The following SASS6 variants were observed in gnomAD, a reference collection of about 807,000 sequenced individuals.
SASS6 encodes spindle assembly abnormal protein 6 homolog.
SASS6 carries 59 observed loss-of-function variants against 94.9 expected under a neutral mutation model. The ratio of observed to expected loss-of-function variants is 0.62; its 90% confidence interval spans 0.50 to 0.77. SASS6 has a LOEUF of 0.77. SASS6 is among the 30% of genes least tolerant of loss of function. The pLI is 0.00. For synonymous variants in SASS6, 264 were observed against 270.0 expected (o/e 0.98, Z 0.22); for missense variants, 698 against 734.1 (o/e 0.95, Z 0.57).
At chr1:100,090,426 G>A (rs1043543534) in intron 14 of SASS6, among the ~76,000 whole-genome samples, 1 of 152,106 alleles carries the variant, frequency 6.6e-6, no homozygotes, top group African/African-American at 2.4e-5. Flanking sequence ...TTTCTGCTGA[G>A]ATATGAAAAA....
chr1:100,084,195 T>A lies in SASS6; in HGVS notation c.*1133A>T, dbSNP rs976771482. The A allele has an allele frequency of 6.6e-6, 1 of 151,828 alleles. No homozygotes were observed. Among genetic ancestry groups the A allele is most frequent in the East Asian group, 1.9e-4 (1 of 5,198 alleles). The allele number at this position is 151,828 out of a possible 1,614,324, so 9.4% of individuals were successfully genotyped here. On this transcript the variant is annotated 3_prime_UTR_variant, in exon 17 of 17. Transcript: ENST00000287482. ...TCTTTCTTACCATGGGACTCAGTAA[T>A]GTTATTACATCAATATCTTGAAATG...
rs761964493 is a variant in SASS6 at position 100,107,725 on chromosome 1, AT to A, written c.1057-9del. The A allele has an allele frequency of 1.3e-6, 2 of 1,581,260 alleles. No homozygotes were observed. Among genetic ancestry groups the A allele is most frequent in the African/African-American group, 1.4e-5 (1 of 73,652 alleles). ...ATTTTCTTCTAAAACCACCTGATAT[AT>A]TTTTTAAAAACATGAATAATTAGGG... is the stretch of plus-strand genomic sequence containing the variant. On this transcript the variant is annotated splice_polypyrimidine_tract_variant and intron_variant, in intron 9 of 16. Coordinates refer to ENST00000287482, the MANE Select transcript of SASS6 (RefSeq NM_194292.3).
intron 14 of SASS6, among the ~76,000 whole-genome samples, chr1:100,093,171 TTTC>T (rs1651863963): frequency 1.4e-5 from 2 of 145,736 alleles, no homozygotes; most frequent in African/African-American, 2.6e-5. Context: ...TACCTATTGT[TTTC>T]TTTTTTTTTT....
At chr1:100,090,229 TGC>T (rs1209759000) in intron 14 of SASS6, among the ~76,000 whole-genome samples, 2 of 152,136 alleles carry the variant, frequency 1.3e-5, no homozygotes, top group Non-Finnish European at 2.9e-5. Flanking sequence ...ACTTATTATA[TGC>T]ATTACATTTT....
intron 14 of SASS6, among the ~76,000 whole-genome samples, chr1:100,098,642 T>C (rs777879098): frequency 4.6e-5 from 7 of 151,974 alleles, no homozygotes; most frequent in Admixed American, 6.6e-5. Context: ...CAAAAATATT[T>C]GCTGGAGCAC....
chr1:100,122,507 A>C (rs1654270685), intron 3 of SASS6, 23 bp from the exon 4 acceptor site: 1 of 1,024,222 alleles, frequency 9.8e-7, no homozygotes, highest in South Asian at 1.5e-5. Flanking sequence ...AAGGAAAAGA[A>C]ATTTTTTAAA....
chr1:100,118,800 T>C (rs1653963746), intron 7 of SASS6, among the ~76,000 whole-genome samples: 2 of 152,174 alleles, frequency 1.3e-5, no homozygotes, highest in African/African-American at 2.4e-5. Context: ...AATTACATAT[T>C]ATTTACATAT....
At chr1:100,087,653 C>T (rs371436933) in intron 15 of SASS6, among the ~76,000 whole-genome samples, 1 of 152,094 alleles carries the variant, frequency 6.6e-6, no homozygotes, top group Non-Finnish European at 1.5e-5. Context: ...GGGAAAATCT[C>T]ACAAACCTTT....
rs1212167333 is a variant in SASS6, at chr1:100,107,422, T to C, written c.1278A>G (p.Gln426=). Residue 426 remains glutamine, a synonymous_variant, in exon 11 of 17, where the codon CAA becomes CAG. Coordinates refer to ENST00000287482, the MANE Select transcript of SASS6 (RefSeq NM_194292.3). ...AEKEEKLQKE[Q]KELQDVGQSL... is the part of the protein sequence containing the mutation. The stretch of plus-strand genomic sequence containing the variant: ...ACTGTCCAACATCTTGTAATTCCTT[T>C]TGTTCCTTTTGTAATTTTTCCTCCT... The C allele has an allele frequency of 1.2e-6, 2 of 1,609,686 alleles. No individual in the cohort carries two copies. The highest frequency in any genetic ancestry group is 1.7e-6 in the Non-Finnish European group (2 of 1,176,542).
intron 14 of SASS6, among the ~76,000 whole-genome samples, chr1:100,102,588 A>G (rs1307768250): frequency 1.3e-5 from 2 of 151,678 alleles, no homozygotes; most frequent in East Asian, 3.9e-4. Context: ...CTGAGGCACG[A>G]GAATCACTGA....
intron 6 of SASS6, among the ~76,000 whole-genome samples, chr1:100,119,932 CA>C (rs1009110440): frequency 2.0e-4 from 30 of 152,214 alleles, no homozygotes; most frequent in Non-Finnish European, 1.6e-4. Flanking sequence ...CAAGCTAAAA[CA>C]GATACTCTGG....
At chr1:100,108,177 T>C (rs542391723) in intron 8 of SASS6, among the ~76,000 whole-genome samples, 173 bp from the exon 9 acceptor site, 1 of 152,248 alleles carries the variant, frequency 6.6e-6, no homozygotes, top group South Asian at 2.1e-4. Flanking sequence ...TAGTAGCATA[T>C]ATCTGGAATA....
At chr1:100,108,825 A>C (rs1653102933) in intron 8 of SASS6, among the ~76,000 whole-genome samples, 1 of 152,060 alleles carries the variant, frequency 6.6e-6, no homozygotes, top group Non-Finnish European at 1.5e-5. Flanking sequence ...ATACTTAATA[A>C]ATTATTTCAT....
intron 14 of SASS6, among the ~76,000 whole-genome samples, chr1:100,092,901 T>C (rs182763203): frequency 5.9e-5 from 9 of 152,142 alleles, no homozygotes; most frequent in East Asian, 5.8e-4. Flanking sequence ...ATATGTATAA[T>C]GGAGGATAGC....
At chr1:100,122,554 T>TA (rs1342391103) in intron 3 of SASS6, 70 bp from the exon 4 acceptor site, 1 of 544,886 alleles carries the variant, frequency 1.8e-6, no homozygotes, top group African/African-American at 2.1e-5. Context: ...GGTGCCTTTT[T>TA]TTTTTTTTTT....
At chr1:100,105,360 T>C (rs1652821272) in intron 13 of SASS6, among the ~76,000 whole-genome samples, 1 of 152,034 alleles carries the variant, frequency 6.6e-6, no homozygotes, top group Non-Finnish European at 1.5e-5. Context: ...AATCTGTTTC[T>C]ACTAAAAATA....
In SASS6 at chr1:100,110,332, G is replaced by A. The variant is rs969433430; in HGVS notation, c.821C>T (p.Thr274Ile). The A allele has an allele frequency of 5.6e-6, 9 of 1,594,158 alleles. No homozygotes were observed. Among genetic ancestry groups the A allele is most frequent in the African/African-American group, 1.4e-5 (1 of 73,826 alleles). The part of the protein sequence containing the change: ...LTERKYKGDS[T>I]IRELKAKLSG... ...AAGTTTTGCTTTAAGTTCTCTAATAGTGGAGTCTCCTTTATATTTTCTTTC... is the reference window on the plus strand; with the variant it reads ...AAGTTTTGCTTTAAGTTCTCTAATAATGGAGTCTCCTTTATATTTTCTTTC... Residue 274 changes from threonine to isoleucine, a missense_variant, in exon 8 of 17, where the codon ACT becomes ATT. Thr to Ile is a moderately conservative substitution (Grantham distance 89). Coordinates refer to ENST00000287482, the MANE Select transcript of SASS6 (RefSeq NM_194292.3).
At chr1:100,124,619 A>C (rs961179137) in intron 2 of SASS6, among the ~76,000 whole-genome samples, 14 of 152,176 alleles carry the variant, frequency 9.2e-5, no homozygotes, top group Admixed American at 2.0e-4. Context: ...TGGCTCAAGC[A>C]ATCTGCCTAC....
chr1:100,132,666 G>C (rs1384862299), intron 1 of SASS6, 84 bp downstream of exon 1: 1 of 1,141,552 alleles, frequency 8.8e-7, no homozygotes, highest in Non-Finnish European at 1.3e-6. Flanking sequence ...GTGCAAGGTG[G>C]ATCCCACGGG....
Sources: allele counts gnomAD v4.1 joint callset (sites outside exome capture counted in the v4.1 genomes callset), GRCh38; gene constraint gnomAD v4.1.1; transcripts MANE v1.5; gene names NCBI Gene and HGNC (gene_info 2026-07-23, HGNC 2026-07-21).